FOCAD: variants seen among roughly 807,000 people sequenced by gnomAD.
FOCAD encodes focadhesin.
In FOCAD, 198 loss-of-function variants were observed where a neutral mutation model predicts 225.6. The observed-to-expected ratio is 0.88, with a 90% CI of 0.78 to 0.99. The LOEUF is 0.99. FOCAD is among the 50% of genes least tolerant of loss of function. The pLI, the probability that FOCAD is intolerant of heterozygous loss-of-function variation, is 0.00. For missense variants in FOCAD, 2,713 were observed against 2,123.6 expected, an observed-to-expected ratio of 1.28 and a Z score of -5.46; for synonymous variants, 897 against 755.0, an observed-to-expected ratio of 1.19 and a Z score of -3.08.
chr9:20,949,710 A>G (rs1837514583), intron 33 of FOCAD, 35 bp downstream of exon 33: 5 of 1,492,340 alleles, frequency 3.4e-6, no homozygotes, highest in Non-Finnish European at 4.7e-6. Context: ...TGGGTGGAAA[A>G]CATATCCCCC....
At chr9:20,752,111 C>A (rs1828610913) in intron 5 of FOCAD, among the ~76,000 whole-genome samples, 1 of 147,134 alleles carries the variant, frequency 6.8e-6, no homozygotes, top group Admixed American at 6.8e-5. Context: ...TGTAGGTTGC[C>A]TGTTCACTCT....
In FOCAD at chr9:20,715,358, C is replaced by A; in HGVS notation, c.5C>A (p.Ser2Ter). The stretch of plus-strand genomic sequence containing the variant: ...ATACATGTAAGAGAAGCAAAAATGT[C>A]AGATGATATCAGGAAAAGGTTTGAA... M[S>*]DDIRKRFEFP... Residue 2 changes from serine to a stop codon, truncating the protein, a stop_gained, in exon 2 of 44, where the codon TCA becomes TAA. Transcript: ENST00000338382. LOFTEE classifies it high-confidence loss of function. 1.3e-6 allele frequency: 2 copies of A among 1,522,800 alleles called. No individual in the cohort carries two copies. Among genetic ancestry groups the A allele is most frequent in the South Asian group, 1.4e-5 (1 of 72,512 alleles). 94.3% of individuals were successfully genotyped at this position (1,522,800 alleles called of 1,614,324 possible).
intron 3 of FOCAD, among the ~76,000 whole-genome samples, chr9:20,718,988 G>T (rs1825563479): frequency 6.6e-6 from 1 of 152,180 alleles, no homozygotes; most frequent in African/African-American, 2.4e-5. Flanking sequence ...TGTAGTGATT[G>T]TTAACTGTAT....
chr9:20,963,155 A>T (rs1838917994), intron 35 of FOCAD, among the ~76,000 whole-genome samples: 1 of 152,156 alleles, frequency 6.6e-6, no homozygotes, highest in South Asian at 2.1e-4. Flanking sequence ...TAGTTATACT[A>T]CTCAATACTG....
At chr9:20,984,529 T>C (rs1840981680) in intron 39 of FOCAD, among the ~76,000 whole-genome samples, 3 of 152,194 alleles carry the variant, frequency 2.0e-5, no homozygotes, top group Admixed American at 2.0e-4. Context: ...TAAAAAAATT[T>C]AAAGCATAAA....
chr9:20,858,767 C>T (rs1293675449), intron 15 of FOCAD, among the ~76,000 whole-genome samples: 2 of 151,864 alleles, frequency 1.3e-5, no homozygotes, highest in African/African-American at 4.8e-5. Context: ...TTGCTGTATC[C>T]CATATGTTTT....
chr9:20,836,630 G>A (rs77943883), intron 15 of FOCAD, among the ~76,000 whole-genome samples: 1,615 of 152,090 alleles, frequency 0.011, 23 homozygotes, highest in African/African-American at 0.037. Context: ...GCAGTCGAAA[G>A]TTGTAGTTTG....
intron 27 of FOCAD, 102 bp from the exon 28 acceptor site, chr9:20,932,912 T>C (rs1287226090): frequency 7.4e-6 from 6 of 806,544 alleles, no homozygotes; most frequent in Non-Finnish European, 1.0e-5. Context: ...AGAGAAATGC[T>C]GGTATTTCCA....
At chr9:20,901,192 ATGTG>A (rs71334562) in intron 21 of FOCAD, among the ~76,000 whole-genome samples, 8,810 of 105,524 alleles carry the variant, frequency 0.083, 305 homozygotes, top group African/African-American at 0.11. Context: ...TGTGGAAACA[ATGTG>A]TGTGTGTGTG....
At chr9:20,936,549 C>A (rs1835984864) in intron 28 of FOCAD, among the ~76,000 whole-genome samples, 2 of 152,120 alleles carry the variant, frequency 1.3e-5, no homozygotes, top group African/African-American at 4.8e-5. Flanking sequence ...TGGTTTGAGG[C>A]CGGGCGCGGT....
intron 5 of FOCAD, among the ~76,000 whole-genome samples, chr9:20,741,307 C>T (rs1827594997): frequency 6.6e-6 from 1 of 152,078 alleles, no homozygotes; most frequent in Non-Finnish European, 1.5e-5. Flanking sequence ...TATCACTTAC[C>T]TGTATTTATA....
intron 35 of FOCAD, among the ~76,000 whole-genome samples, chr9:20,958,504 CT>C (rs1312427985): frequency 6.6e-6 from 1 of 152,012 alleles, no homozygotes; most frequent in Admixed American, 6.6e-5. Context: ...ATTAGTGTGT[CT>C]CTCATCTCAA....
chr9:20,963,872 C>A (rs1197424106), intron 35 of FOCAD, among the ~76,000 whole-genome samples: 1 of 152,122 alleles, frequency 6.6e-6, no homozygotes, highest in Non-Finnish European at 1.5e-5. Context: ...AGTTATTACA[C>A]CTGATTTTGC....
At chr9:20,847,863 A>T (rs1367838815) in intron 15 of FOCAD, among the ~76,000 whole-genome samples, 1 of 152,118 alleles carries the variant, frequency 6.6e-6, no homozygotes, top group Non-Finnish European at 1.5e-5. Flanking sequence ...TGTGAAAATA[A>T]AGTTTTCATG....
At chr9:20,731,472 A>T (rs536347407) in intron 4 of FOCAD, among the ~76,000 whole-genome samples, 111 of 152,322 alleles carry the variant, frequency 7.3e-4, no homozygotes, top group African/African-American at 2.6e-3. Context: ...GAATTTTGAT[A>T]TTAGAGATCA....
chr9:20,974,700 C>G (rs922241272), intron 35 of FOCAD, among the ~76,000 whole-genome samples: 1 of 147,956 alleles, frequency 6.8e-6, no homozygotes. Flanking sequence ...ATGGCCTCTG[C>G]TTCTCCTTTT....
intron 1 of FOCAD, among the ~76,000 whole-genome samples, chr9:20,709,695 T>C (rs1041297519): frequency 1.3e-4 from 20 of 152,262 alleles, no homozygotes; most frequent in Middle Eastern, 3.4e-3. Context: ...TGTAGCCCAG[T>C]GATAGCAAAT....
chr9:20,725,580 C>T (rs983390807), intron 4 of FOCAD, among the ~76,000 whole-genome samples: 3 of 152,270 alleles, frequency 2.0e-5, no homozygotes, highest in South Asian at 2.1e-4. Flanking sequence ...AGTAGATGTG[C>T]CCATCTCTTC....
intron 4 of FOCAD, among the ~76,000 whole-genome samples, chr9:20,723,263 G>A (rs140217523): frequency 0.022 from 3,342 of 152,298 alleles, 119 homozygotes; most frequent in African/African-American, 0.074. Flanking sequence ...CGAGGCAGGC[G>A]AATCACTTGA....
Sources: gnomAD v4.1 joint callset for allele counts (sites outside exome capture counted in the v4.1 genomes callset) on GRCh38, gnomAD v4.1.1 for gene constraint, MANE v1.5 for transcripts, NCBI Gene and HGNC (gene_info 2026-07-23, HGNC 2026-07-21) for gene names.